PDZRN3: variants seen among roughly 807,000 people sequenced by gnomAD.
PDZRN3 encodes PDZ domain containing ring finger 3.
Under a neutral mutation model 85.7 loss-of-function variants are expected in PDZRN3, and 38 were observed. That is an observed-to-expected ratio of 0.44 (90% CI 0.34 to 0.58). The LOEUF (loss-of-function observed/expected upper bound fraction) is 0.58, where lower values mean the gene tolerates loss of function less well. Among genes scored for constraint, PDZRN3 ranks in the 20% least tolerant of loss-of-function variants. The probability of loss-of-function intolerance (pLI) is 0.01; values close to 1 mark genes in which losing one functional copy is unlikely to be tolerated. For missense variants in PDZRN3, 1,629 were observed against 1,506.4 expected (o/e 1.08, Z -1.35); for synonymous variants, 759 against 638.0 (o/e 1.19, Z -2.86).
chr3:73,465,411 A>AT (rs1703193887), intron 3 of PDZRN3, among the ~76,000 whole-genome samples: 2 of 152,224 alleles, frequency 1.3e-5, no homozygotes, highest in Admixed American at 6.5e-5. Context: ...TGATCTGAAC[A>AT]TTCACTGAGC....
intron 5 of PDZRN3, among the ~76,000 whole-genome samples, chr3:73,391,422 T>G (rs1701525368): frequency 6.6e-6 from 1 of 152,204 alleles, no homozygotes; most frequent in South Asian, 2.1e-4. Flanking sequence ...CAAAAACACT[T>G]TTTCAATGTC....
chr3:73,548,945 T>G (rs965060213), intron 3 of PDZRN3, among the ~76,000 whole-genome samples: 1 of 151,818 alleles, frequency 6.6e-6, no homozygotes, highest in Non-Finnish European at 1.5e-5. Flanking sequence ...AGAGAGAAAA[T>G]GGTGCAGAAA....
At chr3:73,413,259 C>G (rs972112508) in intron 3 of PDZRN3, among the ~76,000 whole-genome samples, 1 of 152,102 alleles carries the variant, frequency 6.6e-6, no homozygotes, top group Non-Finnish European at 1.5e-5. Context: ...GAAATACTAG[C>G]CTAGGTTTGG....
chr3:73,527,671 C>T (rs896447450), intron 3 of PDZRN3, among the ~76,000 whole-genome samples: 3 of 152,064 alleles, frequency 2.0e-5, no homozygotes, highest in Non-Finnish European at 4.4e-5. Context: ...GGCTGTCTTT[C>T]TTTGAGCTAT....
chr3:73,393,291 T>C (rs1394218504), intron 5 of PDZRN3, among the ~76,000 whole-genome samples: 6 of 152,102 alleles, frequency 3.9e-5, no homozygotes, highest in Non-Finnish European at 8.8e-5. Flanking sequence ...GCCGCCAAGG[T>C]GACTATCTTT....
At chr3:73,492,152 GC>G (rs1169883348) in intron 3 of PDZRN3, among the ~76,000 whole-genome samples, 5 of 152,112 alleles carry the variant, frequency 3.3e-5, no homozygotes, top group Non-Finnish European at 7.3e-5. Context: ...AGCATATCAG[GC>G]CCCCAAACCA....
rs775707563 is a variant in PDZRN3 at position 73,491,030 on chromosome 3, C to T, written c.919-86635G>A. ...CTCCAAGTTCAGGGTCAGTTCAGCT[C>T]GCTCCAGGAAAGCTCAGGGAGGCTG... On this transcript the variant is annotated intron_variant, in intron 3 of 9. Transcript: ENST00000263666. 9.5e-4 allele frequency among the ~76,000 whole-genome samples: 145 copies of T among 152,202 alleles called. 1 individual carries two copies. The highest frequency in any genetic ancestry group is 1.6e-3 in the African/African-American group (67 of 41,456).
intron 3 of PDZRN3, among the ~76,000 whole-genome samples, chr3:73,533,691 T>C (rs1474456649): frequency 6.6e-6 from 1 of 152,152 alleles, no homozygotes; most frequent in African/African-American, 2.4e-5. Flanking sequence ...GCATTTGAAG[T>C]GGGAGGGTCT....
intron 3 of PDZRN3, among the ~76,000 whole-genome samples, chr3:73,558,540 C>A (rs1037730957): frequency 2.6e-5 from 4 of 152,200 alleles, no homozygotes; most frequent in African/African-American, 4.8e-5. Flanking sequence ...AGAGACACAG[C>A]CACTCAGACA....
chr3:73,542,506 GC>G (rs1274399002), intron 3 of PDZRN3, among the ~76,000 whole-genome samples: 2 of 152,180 alleles, frequency 1.3e-5, no homozygotes, highest in Non-Finnish European at 2.9e-5. Context: ...GGGTGTGGTG[GC>G]CCATATCTAT....
At chr3:73,590,504 G>A (rs954354711) in intron 3 of PDZRN3, among the ~76,000 whole-genome samples, 1 of 152,160 alleles carries the variant, frequency 6.6e-6, no homozygotes, top group Non-Finnish European at 1.5e-5. Context: ...TAGGTACTAA[G>A]ATGCTAACTT....
intron 3 of PDZRN3, among the ~76,000 whole-genome samples, chr3:73,523,932 C>G (rs1487529847): frequency 6.6e-6 from 1 of 152,100 alleles, no homozygotes; most frequent in Admixed American, 6.6e-5. Flanking sequence ...GCAAAGGATC[C>G]AAAGCATTCT....
chr3:73,444,542 T>C (rs1373907656), intron 3 of PDZRN3, among the ~76,000 whole-genome samples: 2 of 152,222 alleles, frequency 1.3e-5, no homozygotes, highest in Admixed American at 6.5e-5. Flanking sequence ...CAAGTACTTA[T>C]TGAGCATCTG....
Position 73,384,661 on chromosome 3 carries a change from G to A in PDZRN3, c.1905C>T (p.Tyr635=). 2 of 1,614,008 alleles carry A rather than the reference G, an allele frequency of 1.2e-6. No individual in the cohort carries two copies. Among genetic ancestry groups the A allele is most frequent in the Non-Finnish European group, 1.7e-6 (2 of 1,180,042 alleles). Residue 635 remains tyrosine, a synonymous_variant, in exon 10 of 10, where the codon TAC becomes TAT. Coordinates refer to ENST00000263666, the MANE Select transcript of PDZRN3 (RefSeq NM_015009.3). ...FISADCTDAD[Y]LGIPVDECER... ...CGCACTCGTCCACCGGGATCCCCAGGTAGTCGGCGTCCGTGCAGTCGGCCG... is the reference window on the plus strand; with the variant it reads ...CGCACTCGTCCACCGGGATCCCCAGATAGTCGGCGTCCGTGCAGTCGGCCG...
At chr3:73,491,269 T>A (rs1703765260) in intron 3 of PDZRN3, among the ~76,000 whole-genome samples, 1 of 152,148 alleles carries the variant, frequency 6.6e-6, no homozygotes, top group Admixed American at 6.5e-5. Context: ...GATTAGCCTA[T>A]AAATGACTCA....
intron 3 of PDZRN3, among the ~76,000 whole-genome samples, chr3:73,479,647 T>C (rs1255872915): frequency 6.6e-6 from 1 of 152,104 alleles, no homozygotes; most frequent in East Asian, 1.9e-4. Context: ...CTTTCCCTTT[T>C]CCCTTGGTCT....
At chr3:73,573,688 G>A (rs1702075587) in intron 3 of PDZRN3, among the ~76,000 whole-genome samples, 1 of 152,076 alleles carries the variant, frequency 6.6e-6, no homozygotes, top group African/African-American at 2.4e-5. Flanking sequence ...CGTCAGAGAT[G>A]GTTTTCATTT....
chr3:73,462,489 G>A (rs1245874575), intron 3 of PDZRN3, among the ~76,000 whole-genome samples: 3 of 141,754 alleles, frequency 2.1e-5, no homozygotes, highest in African/African-American at 7.7e-5. Flanking sequence ...AGCTTGCCGT[G>A]AGTGAGATTG....
chr3:73,577,797 G>A (rs915997209), intron 3 of PDZRN3, among the ~76,000 whole-genome samples: 1 of 152,208 alleles, frequency 6.6e-6, no homozygotes, highest in Non-Finnish European at 1.5e-5. Context: ...TACTAGCCCA[G>A]TTACTGCCCT....
Sources: allele counts gnomAD v4.1 joint callset (sites outside exome capture counted in the v4.1 genomes callset), GRCh38; gene constraint gnomAD v4.1.1; transcripts MANE v1.5; gene names NCBI Gene and HGNC (gene_info 2026-07-23, HGNC 2026-07-21).